Variants in SGMS1 observed in about 807,000 individuals in gnomAD.
The protein encoded by SGMS1 is sphingomyelin synthase 1, also known as phosphatidylcholine:ceramide cholinephosphotransferase 1.
A neutral mutation model predicts 46.2 loss-of-function variants in SGMS1; 13 were observed. The observed-to-expected ratio is 0.28, with a 90% CI of 0.18 to 0.45. The LOEUF is 0.45. Ranked by LOEUF, SGMS1 falls within the 20% of genes least tolerant of loss-of-function variation. SGMS1 has a pLI of 1.00. For missense variants in SGMS1, 324 were observed against 519.9 expected (o/e 0.62, Z 3.66); for synonymous variants, 203 against 187.8 (o/e 1.08, Z -0.66).
chr10:50,588,001 A>G (rs971538533), intron 2 of SGMS1, among the ~76,000 whole-genome samples: 5 of 152,188 alleles, frequency 3.3e-5, no homozygotes, highest in Admixed American at 1.3e-4. Context: ...GTCTAGGACT[A>G]GACAGGACCC....
intron 5 of SGMS1, among the ~76,000 whole-genome samples, chr10:50,446,401 G>T (rs1837014877): frequency 6.6e-6 from 1 of 151,980 alleles, no homozygotes; most frequent in African/African-American, 2.4e-5. Flanking sequence ...TCTCAAACAG[G>T]CCAACACTTA....
At position 50,366,344 on chromosome 10, in the gene SGMS1, C is replaced by G. The variant is rs1041263181; in HGVS notation, c.-231-21999G>C. On this transcript the variant is annotated intron_variant, in intron 6 of 10. Transcript: ENST00000361781. ...GTGGAAAAATATAAACGCTTTTACA[C>G]TGTTGGTGGAAGTGTAAATTAGTTC... Among the ~76,000 whole-genome samples, 7 of 152,220 alleles carry G rather than the reference C, an allele frequency of 4.6e-5. No individual in the cohort carries two copies. In the South Asian group the frequency reaches 1.4e-3, roughly 31 times the overall value.
chr10:50,416,403 A>T (rs1418472283), intron 6 of SGMS1, among the ~76,000 whole-genome samples: 1 of 152,252 alleles, frequency 6.6e-6, no homozygotes, highest in African/African-American at 2.4e-5. Flanking sequence ...GAAGTAATGT[A>T]TACAAAGCAT....
At chr10:50,400,036 A>G (rs893437866) in intron 6 of SGMS1, among the ~76,000 whole-genome samples, 1 of 151,850 alleles carries the variant, frequency 6.6e-6, no homozygotes, top group Non-Finnish European at 1.5e-5. Flanking sequence ...CTCAAAAAAA[A>G]AAAAAAAGAG....
chr10:50,320,219 A>C (rs774540364), intron 8 of SGMS1, among the ~76,000 whole-genome samples: 39 of 151,892 alleles, frequency 2.6e-4, no homozygotes, highest in Admixed American at 2.3e-3. Flanking sequence ...CCTCATCTCT[A>C]ATTCAGAAAT....
intron 2 of SGMS1, among the ~76,000 whole-genome samples, chr10:50,586,027 C>A (rs1397256982): frequency 6.6e-6 from 1 of 152,194 alleles, no homozygotes; most frequent in African/African-American, 2.4e-5. Context: ...GTCACTGTTG[C>A]AACTACTCAA....
chr10:50,385,007 C>T (rs1256170116), intron 6 of SGMS1, among the ~76,000 whole-genome samples: 3 of 152,170 alleles, frequency 2.0e-5, no homozygotes, highest in African/African-American at 4.8e-5. Context: ...TCTGCTAATA[C>T]GTGGCAGTTC....
At chr10:50,435,076 G>A (rs531457292) in intron 5 of SGMS1, among the ~76,000 whole-genome samples, 154 of 152,274 alleles carry the variant, frequency 1.0e-3, no homozygotes, top group African/African-American at 3.6e-3. Context: ...GGCTTTATAT[G>A]CCTGGCCACT....
chr10:50,535,807 G>C (rs991305573), intron 2 of SGMS1, among the ~76,000 whole-genome samples: 1 of 152,082 alleles, frequency 6.6e-6, no homozygotes, highest in African/African-American at 2.4e-5. Flanking sequence ...AGCCACTTTT[G>C]GGGGAGAGGG....
chr10:50,316,887 AC>A (rs1183650025), intron 8 of SGMS1, among the ~76,000 whole-genome samples: 1 of 152,142 alleles, frequency 6.6e-6, no homozygotes, highest in Non-Finnish European at 1.5e-5. Context: ...GTGGCCCAAA[AC>A]AGCAAAACTA....
chr10:50,482,519 C>G (rs766524710), intron 3 of SGMS1, among the ~76,000 whole-genome samples: 23 of 152,196 alleles, frequency 1.5e-4, no homozygotes, highest in Non-Finnish European at 3.4e-4. Context: ...ATCACCAGGC[C>G]TGCCTTGCGA....
At chr10:50,592,308 A>G (rs1157947919) in intron 1 of SGMS1, among the ~76,000 whole-genome samples, 1 of 152,266 alleles carries the variant, frequency 6.6e-6, no homozygotes, top group Admixed American at 6.5e-5. Context: ...TAAAACAAGT[A>G]TAAATTATGG....
chr10:50,591,494 A>C (rs1838540692), intron 1 of SGMS1, among the ~76,000 whole-genome samples: 1 of 152,196 alleles, frequency 6.6e-6, no homozygotes, highest in African/African-American at 2.4e-5. Context: ...TAATACTATA[A>C]TCATTATTAC....
intron 6 of SGMS1, among the ~76,000 whole-genome samples, chr10:50,347,198 C>T (rs994891668): frequency 1.3e-5 from 2 of 152,128 alleles, no homozygotes; most frequent in Admixed American, 6.5e-5. Context: ...CAATGTTAAG[C>T]ACCCATAGAT....
At chr10:50,552,450 G>C (rs1838156581) in intron 2 of SGMS1, among the ~76,000 whole-genome samples, 2 of 152,208 alleles carry the variant, frequency 1.3e-5, no homozygotes, top group African/African-American at 2.4e-5. Context: ...AGGTTAAGCA[G>C]CTTTCATTGC....
chr10:50,564,939 T>A (rs948961946), intron 2 of SGMS1, among the ~76,000 whole-genome samples: 3 of 152,190 alleles, frequency 2.0e-5, no homozygotes, highest in Admixed American at 6.5e-5. Flanking sequence ...GGTCTTCATG[T>A]CTCTCCACCA....
At chr10:50,624,226 A>T (rs1838890746), upstream of SGMS1, 1 of 619,070 alleles carries the variant, frequency 1.6e-6, no homozygotes, top group Non-Finnish European at 2.0e-6. Context: ...CGGGAGCCAG[A>T]TTTTACAATC....
chr10:50,366,718 A>C (rs1848351763), intron 6 of SGMS1, among the ~76,000 whole-genome samples: 1 of 151,878 alleles, frequency 6.6e-6, no homozygotes, highest in African/African-American at 2.4e-5. Flanking sequence ...ACTAAACACC[A>C]TGTGTTCTCA....
chr10:50,437,431 A>G (rs942874347), intron 5 of SGMS1, among the ~76,000 whole-genome samples: 1 of 152,322 alleles, frequency 6.6e-6, no homozygotes, highest in South Asian at 2.1e-4. Context: ...CTTGCTCAAG[A>G]TTACTTAGCT....
Sources: allele counts gnomAD v4.1 joint callset (sites outside exome capture counted in the v4.1 genomes callset), GRCh38; gene constraint gnomAD v4.1.1; transcripts MANE v1.5; gene names NCBI Gene and HGNC (gene_info 2026-07-23, HGNC 2026-07-21).